The following KCTD8 variants were observed in gnomAD, a reference collection of about 807,000 sequenced individuals.
KCTD8 encodes BTB/POZ domain-containing protein KCTD8.
Under a neutral mutation model 31.5 loss-of-function variants are expected in KCTD8, and 27 were observed. That is an observed-to-expected ratio of 0.86 (90% CI 0.63 to 1.18). The LOEUF is 1.18. Among genes scored for constraint, KCTD8 ranks in the 50% most tolerant of loss-of-function variants. The pLI, the probability that KCTD8 is intolerant of heterozygous loss-of-function variation, is 0.00. For missense variants in KCTD8, 658 were observed against 647.7 expected (o/e 1.02, Z -0.17); for synonymous variants, 290 against 280.0 (o/e 1.04, Z -0.36).
chr4:44,292,660 G>T (rs976680198), intron 1 of KCTD8, among the ~76,000 whole-genome samples: 36 of 151,994 alleles, frequency 2.4e-4, no homozygotes, highest in African/African-American at 8.7e-4. Flanking sequence ...ATATAATTAG[G>T]TGGTGGTGCA....
At position 44,174,711 on chromosome 4, in the gene KCTD8, A is replaced by G. The variant is rs949675001; in HGVS notation, c.*79T>C. The G allele has an allele frequency of 4.8e-6, 5 of 1,032,588 alleles. No individual in the cohort carries two copies. The African/African-American group carries it at 8.0e-5, about 17-fold the overall frequency. The allele number at this position is 1,032,588 out of a possible 1,614,324, so 64.0% of individuals were successfully genotyped here. A position where few individuals can be genotyped will look rare whatever the true frequency, so the allele number is the denominator to read the frequency against. ...AAGAGCAGCAAGAATCACACTGACC[A>G]TTGTTAGGACATCAGTCAGGTGGTG... On this transcript the variant is annotated 3_prime_UTR_variant, in exon 2 of 2. Coordinates refer to ENST00000360029, the MANE Select transcript of KCTD8 (RefSeq NM_198353.3).
chr4:44,417,883 A>T (rs1428447398), intron 1 of KCTD8, among the ~76,000 whole-genome samples: 3 of 130,972 alleles, frequency 2.3e-5, no homozygotes, highest in Non-Finnish European at 3.4e-5. Flanking sequence ...CTCATGAACT[A>T]CCAACATAAT....
intron 1 of KCTD8, among the ~76,000 whole-genome samples, chr4:44,261,455 A>G (rs1003996888): frequency 2.3e-4 from 35 of 151,994 alleles, no homozygotes; most frequent in Admixed American, 3.3e-4. Context: ...GAGAAGAGGT[A>G]TCGACATCTA....
chr4:44,295,470 T>C (rs1717401970), intron 1 of KCTD8, among the ~76,000 whole-genome samples: 1 of 152,072 alleles, frequency 6.6e-6, no homozygotes, highest in Non-Finnish European at 1.5e-5. Flanking sequence ...CTTATTTAAT[T>C]GTCAGTTTCT....
intron 1 of KCTD8, among the ~76,000 whole-genome samples, chr4:44,198,432 G>A (rs1423767765): frequency 6.6e-6 from 1 of 152,108 alleles, no homozygotes; most frequent in African/African-American, 2.4e-5. Flanking sequence ...CTTACAAAGG[G>A]AAACTCATGA....
intron 1 of KCTD8, among the ~76,000 whole-genome samples, chr4:44,272,769 A>C (rs1441191116): frequency 6.6e-6 from 1 of 152,080 alleles, no homozygotes; most frequent in African/African-American, 2.4e-5. Flanking sequence ...TGAGACAGGG[A>C]GGGTCTCTGC....
intron 1 of KCTD8, among the ~76,000 whole-genome samples, chr4:44,252,791 T>A (rs537159842): frequency 6.6e-6 from 1 of 151,758 alleles, no homozygotes; most frequent in African/African-American, 2.4e-5. Flanking sequence ...AAATGTCTTA[T>A]GCTTTTCTTT....
At chr4:44,293,389 G>C (rs1430335624) in intron 1 of KCTD8, 1 of 440,748 alleles carries the variant, frequency 2.3e-6, no homozygotes, top group Non-Finnish European at 4.5e-6. Context: ...ACTTAATGGA[G>C]AGTATTAACC....
At chr4:44,349,071 GCCACCA>G (rs200999276) in intron 1 of KCTD8, among the ~76,000 whole-genome samples, 3 of 136,784 alleles carry the variant, frequency 2.2e-5, no homozygotes, top group East Asian at 2.1e-4. Context: ...CGCTGCCACC[GCCACCA>G]CCACCACCAC....
Position 44,352,000 on chromosome 4 carries a change from T to C in KCTD8, c.961+95563A>G, listed in dbSNP as rs567067879. Among the ~76,000 whole-genome samples, 69 of 152,170 alleles carry C rather than the reference T, an allele frequency of 4.5e-4. 1 individual carries two copies. The highest frequency in any genetic ancestry group is 8.5e-4 in the Non-Finnish European group (58 of 67,968). ...TATTTTATTTATTGGTAATGAATAT[T>C]TGACAGGAAGAAAATGAGACTGGGG... On this transcript the variant is annotated intron_variant, in intron 1 of 1. Transcript: ENST00000360029.
chr4:44,257,087 T>C (rs901781460), intron 1 of KCTD8, among the ~76,000 whole-genome samples: 31 of 151,968 alleles, frequency 2.0e-4, no homozygotes, highest in Non-Finnish European at 1.9e-4. Flanking sequence ...AAATAGTCAT[T>C]ACCCTTAGGG....
intron 1 of KCTD8, among the ~76,000 whole-genome samples, chr4:44,206,603 T>G (rs1260744971): frequency 6.6e-6 from 1 of 152,242 alleles, no homozygotes; most frequent in Non-Finnish European, 1.5e-5. Context: ...GCTCTTCCTT[T>G]GCCCTCTGGG....
chr4:44,426,091 TA>T (rs771429323), intron 1 of KCTD8, among the ~76,000 whole-genome samples: 1 of 151,202 alleles, frequency 6.6e-6, no homozygotes, highest in African/African-American at 2.4e-5. Flanking sequence ...AGAAAAATTA[TA>T]AGAGAATTTA....
intron 1 of KCTD8, among the ~76,000 whole-genome samples, chr4:44,254,353 C>G (rs1336340959): frequency 6.6e-6 from 1 of 151,866 alleles, no homozygotes; most frequent in Non-Finnish European, 1.5e-5. Flanking sequence ...TAGTTTTTTA[C>G]AGGAAAACAC....
At chr4:44,216,846 A>G (rs1233560945) in intron 1 of KCTD8, among the ~76,000 whole-genome samples, 1 of 152,192 alleles carries the variant, frequency 6.6e-6, no homozygotes, top group Admixed American at 6.6e-5. Context: ...CATGAGACAG[A>G]CGGCATATTA....
At chr4:44,212,410 C>T (rs1714515275) in intron 1 of KCTD8, among the ~76,000 whole-genome samples, 1 of 152,098 alleles carries the variant, frequency 6.6e-6, no homozygotes, top group Non-Finnish European at 1.5e-5. Flanking sequence ...AAATTAGTTC[C>T]AAGACCCCTG....
intron 1 of KCTD8, among the ~76,000 whole-genome samples, chr4:44,351,766 C>A (rs1438279088): frequency 6.6e-6 from 1 of 151,876 alleles, no homozygotes; most frequent in Non-Finnish European, 1.5e-5. Flanking sequence ...ACATTTTGTC[C>A]CTGCCTAGAA....
Position 44,174,897 on chromosome 4 carries a change from C to A in KCTD8, c.1315G>T (p.Glu439Ter). Reference sequence around the variant, plus strand: ...AAATCCTGAATACACTTTTTCATTTCTTCTTCCACACTTAGCTTCTCACAG... The same window carrying A: ...AAATCCTGAATACACTTTTTCATTTATTCTTCCACACTTAGCTTCTCACAG... ...KVCEKLSVEE[E>*]MKKCIQDFKK... Residue 439 changes from glutamate (E) to a stop codon, truncating the protein, a stop_gained, in exon 2 of 2, where the codon GAA becomes TAA. Transcript: ENST00000360029. LOFTEE classifies it high-confidence loss of function. 1 of 1,613,716 alleles carries A rather than the reference C, an allele frequency of 6.2e-7. No individual in the cohort carries two copies. Among genetic ancestry groups the A allele is most frequent in the Non-Finnish European group, 8.5e-7 (1 of 1,179,870 alleles).
rs1715672261 is a variant in KCTD8 at position 44,246,527 on chromosome 4, A to C, written c.962-71277T>G. Among the ~76,000 whole-genome samples, 5 of 152,180 alleles carry C rather than the reference A, an allele frequency of 3.3e-5. No homozygotes were observed. The South Asian group carries it at 1.0e-3, about 32-fold the overall frequency. On this transcript the variant is annotated intron_variant, in intron 1 of 1. Transcript: ENST00000360029. ...AGGAAAGGAAGTAGACTTCTTTCGGAGGAAGTAGGTTTAATTTTCTCCTAT... is the reference window on the plus strand; with the variant it reads ...AGGAAAGGAAGTAGACTTCTTTCGGCGGAAGTAGGTTTAATTTTCTCCTAT...
Sources: allele counts gnomAD v4.1 joint callset (sites outside exome capture counted in the v4.1 genomes callset), GRCh38; gene constraint gnomAD v4.1.1; transcripts MANE v1.5; gene names NCBI Gene and HGNC (gene_info 2026-07-23, HGNC 2026-07-21).